Variants in C6orf118 observed in about 807,000 individuals in gnomAD.
C6orf118 encodes chromosome 6 open reading frame 118.
Under a neutral mutation model 50.2 loss-of-function variants are expected in C6orf118, and 50 were observed. The observed-to-expected ratio is 1.00, with a 90% CI of 0.79 to 1.26. C6orf118 has a LOEUF of 1.26. Among genes scored for constraint, C6orf118 ranks in the 50% most tolerant of loss-of-function variants. The pLI is 0.00. For synonymous variants in C6orf118, 239 were observed against 230.9 expected (o/e 1.03, Z -0.32); for missense variants, 641 against 578.7 (o/e 1.11, Z -1.10).
At chr6:165,295,136 A>G (rs912373399) in intron 5 of C6orf118, among the ~76,000 whole-genome samples, 1 of 152,024 alleles carries the variant, frequency 6.6e-6, no homozygotes, top group African/African-American at 2.4e-5. Flanking sequence ...TCTCATTTAC[A>G]TTCTTTTAAA....
At chr6:165,297,839 A>C in intron 5 of C6orf118, 138 bp downstream of exon 5, 3 of 1,252,564 alleles carry the variant, frequency 2.4e-6, no homozygotes, top group Non-Finnish European at 2.3e-6. Context: ...AAATAGCCAG[A>C]TGACAGGCAT....
chr6:165,289,733 G>A (rs1449288858), intron 7 of C6orf118, among the ~76,000 whole-genome samples, 153 bp downstream of exon 7: 3 of 151,866 alleles, frequency 2.0e-5, no homozygotes, highest in Admixed American at 6.6e-5. Context: ...TAATTATTAT[G>A]ATTATTTGCT....
At chr6:165,309,010 C>T (rs1780845298) in intron 1 of C6orf118, among the ~76,000 whole-genome samples, 1 of 152,186 alleles carries the variant, frequency 6.6e-6, no homozygotes, top group Non-Finnish European at 1.5e-5. Flanking sequence ...GCGAAGGCTT[C>T]GAAGTCAAAA....
intron 8 of C6orf118, 140 bp from the exon 9 acceptor site, chr6:165,280,250 T>A (rs1779682388): frequency 1.6e-6 from 1 of 628,684 alleles, no homozygotes; most frequent in Non-Finnish European, 2.7e-6. Context: ...TTTACTTTTT[T>A]AAAACAGATA....
chr6:165,307,879 A>C (rs1241819223), intron 1 of C6orf118, among the ~76,000 whole-genome samples: 1 of 152,218 alleles, frequency 6.6e-6, no homozygotes, highest in African/African-American at 2.4e-5. Flanking sequence ...TGCAGAACTC[A>C]CAAAGAGCGT....
At chr6:165,284,989 C>T (rs975728173) in intron 7 of C6orf118, among the ~76,000 whole-genome samples, 2 of 152,060 alleles carry the variant, frequency 1.3e-5, no homozygotes, top group African/African-American at 4.8e-5. Context: ...TGTAAATGGG[C>T]TAAATGCCCC....
At position 165,297,851 on chromosome 6, in the gene C6orf118, A is replaced by T. The variant is rs1322904533; in HGVS notation, c.1061+126T>A. 7 of 1,365,000 alleles carry T rather than the reference A, an allele frequency of 5.1e-6. No homozygotes were observed. In the South Asian group the frequency reaches 7.3e-5, roughly 14 times the overall value. 84.6% of individuals were successfully genotyped at this position (1,365,000 alleles called of 1,614,324 possible). A position where few individuals can be genotyped will look rare whatever the true frequency, so the allele number is the denominator to read the frequency against. Reference sequence around the variant, plus strand: ...TAGAAATAGCCAGATGACAGGCATGATATTAGCAAAAGTAGCATGTTTTCA... The same window carrying T: ...TAGAAATAGCCAGATGACAGGCATGTTATTAGCAAAAGTAGCATGTTTTCA... On this transcript the variant is annotated intron_variant, in intron 5 of 8. Transcript: ENST00000230301.
rs1780541099 is a variant in C6orf118 at position 165,301,613 on chromosome 6, T to C, written c.709A>G (p.Thr237Ala). The C allele has an allele frequency of 1.2e-6, 2 of 1,613,908 alleles. No homozygotes were observed. The highest frequency in any genetic ancestry group is 1.7e-6 in the Non-Finnish European group (2 of 1,179,978). The change falls in exon 2 of 9, where the codon ACT becomes GCT. Residue 237 changes from threonine to alanine, a missense_variant. Physicochemically the swap from Thr to Ala is moderately conservative, Grantham distance 58 (BLOSUM62 0). Coordinates refer to ENST00000230301, the MANE Select transcript of C6orf118 (RefSeq NM_144980.4). ...TGGCCCGCGGCCGCCTTGCTCCCAG[T>C]GAAGTCATTCTTCAGGAGATCTTGC... ...AKQDLLKNDFTGSKAAAGHER... is the reference protein window; with the variant it reads ...AKQDLLKNDFAGSKAAAGHER...
At chr6:165,285,557 C>T (rs1368212204) in intron 7 of C6orf118, among the ~76,000 whole-genome samples, 1 of 151,662 alleles carries the variant, frequency 6.6e-6, no homozygotes, top group East Asian at 1.9e-4. Context: ...GGAAGTAAAA[C>T]ACTCCTCAGC....
chr6:165,299,241 C>T (rs755699427), intron 4 of C6orf118, among the ~76,000 whole-genome samples: 1 of 152,182 alleles, frequency 6.6e-6, no homozygotes, highest in Non-Finnish European at 1.5e-5. Context: ...ATAAATAATG[C>T]TATGCCAATC....
At chr6:165,289,864 T>G (rs568745121) in intron 7 of C6orf118, 22 bp downstream of exon 7, 1 of 1,503,400 alleles carries the variant, frequency 6.7e-7, no homozygotes, top group Admixed American at 2.2e-5. Flanking sequence ...AATGTAAATA[T>G]TTAAATAAAT....
At position 165,281,651 on chromosome 6, in the gene C6orf118, T is replaced by C. The variant is rs1020111177; in HGVS notation, c.1345A>G (p.Lys449Glu). Reference sequence around the variant, plus strand: ...CACAAAAAACTTACTTTTATTTTCTTCTTTAAAATCATATTTTCTGTTTCC... The same window carrying C: ...CACAAAAAACTTACTTTTATTTTCTCCTTTAAAATCATATTTTCTGTTTCC... ...QLETENMILKKKIKGPLEIYQ... is the reference protein window; with the variant it reads ...QLETENMILKEKIKGPLEIYQ... The change falls in exon 8 of 9, where the codon AAG (lysine) becomes GAG (glutamate). Residue 449 changes from lysine to glutamate, a missense_variant. Lys to Glu is a moderately conservative substitution (Grantham distance 56). Transcript: ENST00000230301. The C allele has an allele frequency of 1.9e-5, 29 of 1,497,704 alleles. No homozygotes were observed. The highest frequency in any genetic ancestry group is 2.4e-5 in the Admixed American group (1 of 40,970). 92.8% of individuals were successfully genotyped at this position (1,497,704 alleles called of 1,614,324 possible). A position where few individuals can be genotyped will look rare whatever the true frequency, so the allele number is the denominator to read the frequency against.
intron 4 of C6orf118, 67 bp downstream of exon 4, chr6:165,299,376 A>T: frequency 6.9e-7 from 1 of 1,444,596 alleles, no homozygotes; most frequent in Non-Finnish European, 9.7e-7. Context: ...AAAGGTTTCC[A>T]CTGCTCATGA....
At chr6:165,280,652 G>A (rs1779697952) in intron 8 of C6orf118, among the ~76,000 whole-genome samples, 1 of 152,180 alleles carries the variant, frequency 6.6e-6, no homozygotes, top group African/African-American at 2.4e-5. Flanking sequence ...GTGGGTAGGA[G>A]CACCTAGAAA....
intron 6 of C6orf118, among the ~76,000 whole-genome samples, chr6:165,291,909 G>C (rs1027073503): frequency 6.6e-6 from 1 of 152,084 alleles, no homozygotes; most frequent in African/African-American, 2.4e-5. Context: ...AACCCTTCCT[G>C]GTAGATAGTA....
At position 165,302,104 on chromosome 6, in the gene C6orf118, G is replaced by C; in HGVS notation, c.218C>G (p.Pro73Arg). ...GGGCCAGTGCTGTAAGATCGTCTCC[G>C]GAGGCTGGTAGAGCTTGTTGGGGTT... ...HLNPNKLYQP[P>R]ETILQHWPNA... The change falls in exon 2 of 9, where the codon CCG (proline) becomes CGG (arginine). Residue 73 changes from proline to arginine, a missense_variant. Coordinates refer to ENST00000230301, the MANE Select transcript of C6orf118 (RefSeq NM_144980.4). 2 of 1,613,878 alleles carry C rather than the reference G, an allele frequency of 1.2e-6. No homozygotes were observed. Among genetic ancestry groups the C allele is most frequent in the Admixed American group, 3.3e-5 (2 of 60,010 alleles).
chr6:165,293,527 C>T, intron 5 of C6orf118, 56 bp from the exon 6 acceptor site: 1 of 1,477,506 alleles, frequency 6.8e-7, no homozygotes, highest in Admixed American at 1.8e-5. Context: ...TATCTTTTGT[C>T]TTTTGTCTGG....
At chr6:165,291,956 C>A (rs919693885) in intron 6 of C6orf118, among the ~76,000 whole-genome samples, 4 of 152,108 alleles carry the variant, frequency 2.6e-5, no homozygotes, top group African/African-American at 9.7e-5. Flanking sequence ...TCAACTTTGC[C>A]AAATTTGGAA....
rs1287892228 is a variant in C6orf118, at chr6:165,302,118, C to A, written c.204G>T (p.Lys68Asn). 8.1e-6 allele frequency: 13 copies of A among 1,613,504 alleles called. No individual in the cohort carries two copies. The highest frequency in any genetic ancestry group is 1.0e-5 in the Non-Finnish European group (12 of 1,179,996). The change falls in exon 2 of 9, where the codon AAG (lysine) becomes AAT (asparagine). Residue 68 changes from lysine to asparagine, a missense_variant. Transcript: ENST00000230301. ...AGATCGTCTCCGGAGGCTGGTAGAG[C>A]TTGTTGGGGTTCAGGTGTCCAGAGA... ...LYISGHLNPN[K>N]LYQPPETILQ...
Sources: gnomAD v4.1 joint callset for allele counts (sites outside exome capture counted in the v4.1 genomes callset) on GRCh38, gnomAD v4.1.1 for gene constraint, MANE v1.5 for transcripts, NCBI Gene and HGNC (gene_info 2026-07-23, HGNC 2026-07-21) for gene names.